Variants in ENTREP2 observed in about 807,000 individuals in gnomAD.
ENTREP2 encodes protein ENTREP2.
the ENTREP2 span, among the ~76,000 whole-genome samples, chr15:29,531,037 A>G: frequency 1.3e-5 from 2 of 152,164 alleles, no homozygotes; most frequent in Admixed American, 1.3e-4. Flanking sequence ...ACCTGCCTGC[A>G]TTCTTCCCCT....
chr15:29,409,677 G>A, the ENTREP2 span, among the ~76,000 whole-genome samples: 1 of 151,632 alleles, frequency 6.6e-6, no homozygotes, highest in Non-Finnish European at 1.5e-5. Context: ...TACCCAGGCT[G>A]GTCTTGAACA....
At chr15:29,266,255 G>A in the ENTREP2 span, 1 of 152,216 alleles carries the variant, frequency 6.6e-6, no homozygotes, top group African/African-American at 2.4e-5. Flanking sequence ...ATTTCACACT[G>A]TACCAGAATG....
chr15:29,269,610 G>C, the ENTREP2 span: 6 of 1,562,918 alleles, frequency 3.8e-6, no homozygotes, highest in Admixed American at 1.9e-5. Flanking sequence ...CGTCTTCCCC[G>C]GCCCGCGAAG....
chr15:29,429,027 A>T, the ENTREP2 span, among the ~76,000 whole-genome samples: 1 of 152,218 alleles, frequency 6.6e-6, no homozygotes, highest in South Asian at 2.1e-4. Context: ...TCAAAATGAT[A>T]GGTCTCCTGC....
At chr15:29,529,321 C>T in the ENTREP2 span, among the ~76,000 whole-genome samples, 1 of 137,840 alleles carries the variant, frequency 7.3e-6, no homozygotes, top group Non-Finnish European at 1.6e-5. Context: ...CACTCAGTTT[C>T]TGAGTATCTT....
chr15:29,668,040 C>T, the ENTREP2 span, among the ~76,000 whole-genome samples: 1 of 152,086 alleles, frequency 6.6e-6, no homozygotes, highest in South Asian at 2.1e-4. Context: ...CTGTCTACAC[C>T]ACATCTAGAA....
chr15:29,390,119 T>C, the ENTREP2 span, among the ~76,000 whole-genome samples: 2 of 152,042 alleles, frequency 1.3e-5, no homozygotes, highest in African/African-American at 4.8e-5. Flanking sequence ...CCAAGGGCGG[T>C]TGATGTAAAA....
the ENTREP2 span, among the ~76,000 whole-genome samples, chr15:29,167,183 G>A: frequency 6.6e-6 from 1 of 152,168 alleles, no homozygotes; most frequent in African/African-American, 2.4e-5. Context: ...ATGGATTAAA[G>A]ACTTAAATCT....
the ENTREP2 span, among the ~76,000 whole-genome samples, chr15:29,646,914 G>A: frequency 6.6e-6 from 1 of 152,170 alleles, no homozygotes; most frequent in Non-Finnish European, 1.5e-5. Context: ...ACTACAGTGG[G>A]TATTTCAAAC....
chr15:29,498,322 T>C, the ENTREP2 span, among the ~76,000 whole-genome samples: 6 of 152,144 alleles, frequency 3.9e-5, no homozygotes, highest in African/African-American at 1.2e-4. Context: ...AAAGTTTTGG[T>C]ACACTGTGTT....
chr15:29,324,041 A>G, the ENTREP2 span, among the ~76,000 whole-genome samples: 4 of 152,216 alleles, frequency 2.6e-5, no homozygotes, highest in South Asian at 2.1e-4. Flanking sequence ...TATTCAAACC[A>G]GAAAGGGCAG....
the ENTREP2 span, among the ~76,000 whole-genome samples, chr15:29,639,409 A>C: frequency 2.5e-3 from 378 of 152,320 alleles, 1 homozygote; most frequent in African/African-American, 8.7e-3. Context: ...ATTTATGCAA[A>C]AGTCAGACGT....
the ENTREP2 span, chr15:29,195,386 C>G: frequency 3.2e-6 from 3 of 942,576 alleles, no homozygotes; most frequent in Non-Finnish European, 3.8e-6. Flanking sequence ...CTCCCCAGAT[C>G]CGAGGTGGCT....
At chr15:29,591,566 CAGTG>C in the ENTREP2 span, among the ~76,000 whole-genome samples, 2 of 152,124 alleles carry the variant, frequency 1.3e-5, no homozygotes, top group African/African-American at 4.8e-5. Context: ...GAGGTCACTA[CAGTG>C]AGCCCTAATC....
At chr15:29,263,557 A>G in the ENTREP2 span, among the ~76,000 whole-genome samples, 1 of 152,256 alleles carries the variant, frequency 6.6e-6, no homozygotes, top group Admixed American at 6.5e-5. Context: ...GTTATTTATA[A>G]GAGGAATTAA....
chr15:29,631,631 G>C, the ENTREP2 span, among the ~76,000 whole-genome samples: 355 of 152,348 alleles, frequency 2.3e-3, no homozygotes, highest in African/African-American at 8.1e-3. Context: ...GGGTTGATCA[G>C]CTGTCTGCGC....
chr15:29,473,993 C>A, the ENTREP2 span, among the ~76,000 whole-genome samples: 10 of 152,338 alleles, frequency 6.6e-5, no homozygotes, highest in South Asian at 2.1e-3. Flanking sequence ...CTGAACCTAG[C>A]CATGGATTCT....
At chr15:29,499,479 A>G in the ENTREP2 span, among the ~76,000 whole-genome samples, 1 of 151,668 alleles carries the variant, frequency 6.6e-6, no homozygotes, top group African/African-American at 2.4e-5. Flanking sequence ...TAACTCCTTG[A>G]GAGATGATCC....
chr15:29,338,608 G>C, the ENTREP2 span, among the ~76,000 whole-genome samples: 1 of 151,774 alleles, frequency 6.6e-6, no homozygotes, highest in Non-Finnish European at 1.5e-5. Flanking sequence ...CTGGTGTCTG[G>C]AAGAGCTCCT....
Sources: gnomAD v4.1 joint callset for allele counts (sites outside exome capture counted in the v4.1 genomes callset) on GRCh38, gnomAD v4.1.1 for gene constraint, MANE v1.5 for transcripts, NCBI Gene and HGNC (gene_info 2026-07-23, HGNC 2026-07-21) for gene names.